HECW2: variants seen among roughly 807,000 people sequenced by gnomAD.
The protein encoded by HECW2 is HECT, C2 and WW domain containing E3 ubiquitin protein ligase 2, also known as E3 ubiquitin-protein ligase HECW2.
A neutral mutation model predicts 175.2 loss-of-function variants in HECW2; 61 were observed. The ratio of observed to expected loss-of-function variants is 0.35; its 90% CI spans 0.28 to 0.43. The LOEUF is 0.43. Ranked by LOEUF, HECW2 falls within the 20% of genes least tolerant of loss-of-function variation. The probability of loss-of-function intolerance (pLI) is 1.00; values close to 1 mark genes in which losing one functional copy is unlikely to be tolerated. For synonymous variants in HECW2, 671 were observed against 731.0 expected, an observed-to-expected ratio of 0.92 and a Z score of 1.32; for missense variants, 1,524 against 2,000.5, an observed-to-expected ratio of 0.76 and a Z score of 4.54.
chr2:196,478,863 G>T (rs1196490590), intron 1 of HECW2, among the ~76,000 whole-genome samples: 1 of 152,098 alleles, frequency 6.6e-6, no homozygotes, highest in Non-Finnish European at 1.5e-5. Flanking sequence ...TCTATTTGTG[G>T]TACATAGAAG....
intron 2 of HECW2, among the ~76,000 whole-genome samples, chr2:196,382,278 G>A (rs1380740783): frequency 6.6e-6 from 1 of 151,056 alleles, no homozygotes; most frequent in Non-Finnish European, 1.5e-5. Context: ...ATCCATATAT[G>A]TATAAAAACT....
intron 2 of HECW2, among the ~76,000 whole-genome samples, chr2:196,393,449 T>G (rs556644925): frequency 7.2e-6 from 1 of 139,458 alleles, no homozygotes; most frequent in South Asian, 2.4e-4. Flanking sequence ...TTAAACAAAT[T>G]TACAAGAAAA....
chr2:196,280,623 T>C (rs931510897), intron 14 of HECW2, among the ~76,000 whole-genome samples: 3 of 152,210 alleles, frequency 2.0e-5, no homozygotes, highest in African/African-American at 7.2e-5. Context: ...CTGGGTAATG[T>C]TTCCTCTTCA....
intron 2 of HECW2, among the ~76,000 whole-genome samples, chr2:196,368,328 C>T (rs1363394290): frequency 6.6e-6 from 1 of 152,140 alleles, no homozygotes; most frequent in Non-Finnish European, 1.5e-5. Flanking sequence ...TGCAGTTTTG[C>T]TGTGCACTTC....
At chr2:196,443,484 C>T (rs1024266055) in intron 1 of HECW2, among the ~76,000 whole-genome samples, 1 of 152,116 alleles carries the variant, frequency 6.6e-6, no homozygotes, top group African/African-American at 2.4e-5. Context: ...TTTACATTAA[C>T]CTATACTTTT....
intron 19 of HECW2, among the ~76,000 whole-genome samples, chr2:196,250,714 C>T (rs1323989425): frequency 6.6e-6 from 1 of 152,102 alleles, no homozygotes; most frequent in Admixed American, 6.5e-5. Context: ...CCTTCAGTGT[C>T]GTGCTGCCCA....
At chr2:196,529,668 C>G (rs772733299) in intron 1 of HECW2, among the ~76,000 whole-genome samples, 5 of 152,190 alleles carry the variant, frequency 3.3e-5, no homozygotes, top group Non-Finnish European at 7.3e-5. Context: ...TGGCTGGAAT[C>G]CAGACATGGT....
At chr2:196,527,184 G>A (rs559862470) in intron 1 of HECW2, among the ~76,000 whole-genome samples, 6 of 152,340 alleles carry the variant, frequency 3.9e-5, no homozygotes, top group East Asian at 1.9e-4. Flanking sequence ...CTCGTGGTGC[G>A]CCGTTTTTTA....
At chr2:196,547,530 T>A (rs1689466782) in intron 1 of HECW2, among the ~76,000 whole-genome samples, 1 of 152,218 alleles carries the variant, frequency 6.6e-6, no homozygotes, top group Non-Finnish European at 1.5e-5. Flanking sequence ...TTTGCTTTCA[T>A]GTCTGAGGGT....
rs137862095 is a variant in HECW2 at position 196,443,907 on chromosome 2, C to T, written c.-35-10449G>A. On this transcript the variant is annotated intron_variant, in intron 1 of 28. Coordinates refer to ENST00000644978, the MANE Select transcript of HECW2 (RefSeq NM_001348768.2). The stretch of plus-strand genomic sequence containing the variant: ...AAAATTAGCTGGGCATGGTGGCGTG[C>T]GCCTATAGTCCCAGCTACTTGGGAG... Among the ~76,000 whole-genome samples, 89 of 152,154 alleles carry T rather than the reference C, an allele frequency of 5.8e-4. No individual in the cohort carries two copies. In the East Asian group the frequency reaches 8.7e-3, roughly 15 times the overall value.
intron 14 of HECW2, chr2:196,288,112 G>C (rs944533367): frequency 6.6e-6 from 1 of 151,998 alleles, no homozygotes; most frequent in African/African-American, 2.4e-5. Flanking sequence ...GAGGCATTTA[G>C]GGTAAAAGAG....
intron 16 of HECW2, among the ~76,000 whole-genome samples, chr2:196,271,918 C>T (rs189321892): frequency 2.1e-3 from 326 of 152,204 alleles, no homozygotes; most frequent in Non-Finnish European, 3.2e-3. Flanking sequence ...TTAGCTGTGG[C>T]TTAGTTAAAC....
chr2:196,227,869 A>G (rs1197907810), intron 22 of HECW2, among the ~76,000 whole-genome samples: 1 of 152,160 alleles, frequency 6.6e-6, no homozygotes, highest in Admixed American at 6.5e-5. Context: ...AACTCACTTA[A>G]ATTGATCTTA....
intron 1 of HECW2, among the ~76,000 whole-genome samples, chr2:196,524,946 A>G (rs1442395624): frequency 7.1e-6 from 1 of 140,690 alleles, no homozygotes; most frequent in African/African-American, 3.0e-5. Context: ...AAAAAAATGT[A>G]TATTCTGTTG....
At chr2:196,347,749 A>G (rs1363328635) in intron 2 of HECW2, among the ~76,000 whole-genome samples, 1 of 152,230 alleles carries the variant, frequency 6.6e-6, no homozygotes, top group Non-Finnish European at 1.5e-5. Context: ...AAGGAAGGAA[A>G]GCTGCTGCGT....
intron 2 of HECW2, among the ~76,000 whole-genome samples, chr2:196,359,213 G>A (rs1297233813): frequency 6.6e-6 from 1 of 152,148 alleles, no homozygotes; most frequent in Non-Finnish European, 1.5e-5. Context: ...ATGTTAGGAG[G>A]CCAAGGCAGG....
At chr2:196,440,457 C>T (rs1348026241) in intron 1 of HECW2, among the ~76,000 whole-genome samples, 3 of 151,770 alleles carry the variant, frequency 2.0e-5, no homozygotes, top group Non-Finnish European at 4.4e-5. Flanking sequence ...AAGTACTGTG[C>T]AAAAATTAAT....
At chr2:196,280,388 G>A (rs1437118863) in intron 14 of HECW2, among the ~76,000 whole-genome samples, 1 of 152,180 alleles carries the variant, frequency 6.6e-6, no homozygotes, top group Admixed American at 6.5e-5. Flanking sequence ...GGAACAGAAT[G>A]TTTCATATGG....
rs1686737534 is a variant in HECW2, at chr2:196,197,782, G to GA, written c.*3494dup. The GA allele has an allele frequency of 6.6e-6, 1 of 152,296 alleles. No individual in the cohort carries two copies. Among genetic ancestry groups the GA allele is most frequent in the East Asian group, 1.9e-4 (1 of 5,186 alleles). 9.4% of individuals were successfully genotyped at this position (152,296 alleles called of 1,614,324 possible). On this transcript the variant is annotated 3_prime_UTR_variant, in exon 29 of 29. Transcript: ENST00000644978. ...ATCCATGAAAATCAGCCACAACCCA[G>GA]ATGGAACATGATGCTTGTACCCTAC... is the stretch of plus-strand genomic sequence containing the variant.
Sources: allele counts gnomAD v4.1 joint callset (sites outside exome capture counted in the v4.1 genomes callset), GRCh38; gene constraint gnomAD v4.1.1; transcripts MANE v1.5; gene names NCBI Gene and HGNC (gene_info 2026-07-23, HGNC 2026-07-21).